Variants in RIMS1 observed in about 807,000 individuals in gnomAD.
RIMS1 encodes regulating synaptic membrane exocytosis protein 1.
In RIMS1, 83 loss-of-function variants were observed where a neutral mutation model predicts 214.1. The ratio of observed to expected loss-of-function variants is 0.39; its 90% confidence interval spans 0.32 to 0.47. The LOEUF (loss-of-function observed/expected upper bound fraction) is 0.47, where lower values mean the gene tolerates loss of function less well. Ranked by LOEUF, RIMS1 falls within the 20% of genes least tolerant of loss-of-function variation. The pLI, the probability that RIMS1 is intolerant of heterozygous loss-of-function variation, is 0.99. For missense variants in RIMS1, 2,050 were observed against 2,161.8 expected (o/e 0.95, Z 1.03); for synonymous variants, 793 against 786.8 (o/e 1.01, Z -0.13).
rs540310290 is a variant in RIMS1, at chr6:72,246,984, T to C, written c.2129-1031T>C. ...TGACATGAGAATTAATTTGTACTTA[T>C]AGAAAAAAATGTGCGGATTGCACAT... On this transcript the variant is annotated intron_variant, in intron 11 of 33. Coordinates refer to ENST00000521978, the MANE Select transcript of RIMS1 (RefSeq NM_014989.7). Among the ~76,000 whole-genome samples the C allele has an allele frequency of 7.9e-5, 12 of 152,248 alleles. No individual in the cohort carries two copies. In the East Asian group the frequency reaches 1.2e-3, roughly 15 times the overall value.
intron 10 of RIMS1, among the ~76,000 whole-genome samples, chr6:72,243,947 C>T (rs1349606740): frequency 6.7e-6 from 1 of 148,532 alleles, no homozygotes; most frequent in African/African-American, 2.5e-5. Context: ...TATTGGAATC[C>T]TAGAAAAATA....
chr6:72,262,515 T>C (rs2078491116), intron 19 of RIMS1: 1 of 985,184 alleles, frequency 1.0e-6, no homozygotes, highest in Non-Finnish European at 1.2e-6. Flanking sequence ...CAGTGTCTTT[T>C]CTCCTTCCTG....
intron 2 of RIMS1, among the ~76,000 whole-genome samples, chr6:71,995,450 A>ATG (rs1803090798): frequency 2.7e-5 from 2 of 74,688 alleles, no homozygotes; most frequent in African/African-American, 1.3e-4. Context: ...CTGTAATATG[A>ATG]CGTGTGTGTG....
intron 29 of RIMS1, among the ~76,000 whole-genome samples, chr6:72,353,947 C>T (rs568008017): frequency 1.0e-3 from 155 of 151,872 alleles, no homozygotes; most frequent in Non-Finnish European, 1.8e-3. Context: ...TGGCCGGGCA[C>T]GGTGGCTCAC....
At chr6:71,984,923 C>T (rs568506891) in intron 2 of RIMS1, among the ~76,000 whole-genome samples, 7 of 152,174 alleles carry the variant, frequency 4.6e-5, no homozygotes, top group Admixed American at 1.3e-4. Flanking sequence ...TATTCCTTAG[C>T]ACTCCTACAC....
intron 6 of RIMS1, among the ~76,000 whole-genome samples, chr6:72,187,292 C>T (rs565532005): frequency 6.6e-5 from 10 of 152,076 alleles, no homozygotes; most frequent in Non-Finnish European, 1.3e-4. Context: ...GCTCACCTTC[C>T]AATGACTTCT....
intron 29 of RIMS1, among the ~76,000 whole-genome samples, chr6:72,360,732 CTG>C (rs1304488086): frequency 6.7e-6 from 1 of 149,310 alleles, no homozygotes; most frequent in Non-Finnish European, 1.5e-5. Context: ...ATATATAAAA[CTG>C]TGGCTACAGT....
intron 14 of RIMS1, 50 bp from the exon 15 acceptor site, chr6:72,251,165 A>C (rs757802990): frequency 6.4e-7 from 1 of 1,561,756 alleles, no homozygotes; most frequent in East Asian, 2.4e-5. Context: ...TTACTATTAC[A>C]TTATGTTTTG....
At chr6:71,904,372 C>T (rs1483343167) in intron 1 of RIMS1, among the ~76,000 whole-genome samples, 1 of 152,146 alleles carries the variant, frequency 6.6e-6, no homozygotes, top group Non-Finnish European at 1.5e-5. Flanking sequence ...AATACAAATA[C>T]AGTAAGGCCT....
At chr6:72,052,886 G>A (rs1349276339) in intron 2 of RIMS1, among the ~76,000 whole-genome samples, 1 of 152,132 alleles carries the variant, frequency 6.6e-6, no homozygotes, top group African/African-American at 2.4e-5. Context: ...AAAGCACAAA[G>A]GTTGTATTCA....
chr6:72,110,922 T>C (rs372534101), intron 4 of RIMS1, among the ~76,000 whole-genome samples: 2 of 152,180 alleles, frequency 1.3e-5, no homozygotes, highest in African/African-American at 4.8e-5. Context: ...AAAGTTGTGA[T>C]CCTAAGATGA....
At chr6:71,931,264 T>C (rs1470076172) in intron 1 of RIMS1, among the ~76,000 whole-genome samples, 5 of 152,040 alleles carry the variant, frequency 3.3e-5, no homozygotes, top group Admixed American at 2.6e-4. Context: ...CTAATTTACA[T>C]ATGCTTATGA....
chr6:72,134,530 T>C (rs1169475831), intron 4 of RIMS1, among the ~76,000 whole-genome samples: 1 of 152,082 alleles, frequency 6.6e-6, no homozygotes, highest in African/African-American at 2.4e-5. Flanking sequence ...AATTAAAACC[T>C]GGCTTCTCTA....
intron 6 of RIMS1, among the ~76,000 whole-genome samples, chr6:72,184,007 T>A (rs1209762038): frequency 2.6e-5 from 4 of 152,234 alleles, no homozygotes; most frequent in Non-Finnish European, 5.9e-5. Flanking sequence ...TAGTGCATAC[T>A]GTATTACTGT....
intron 1 of RIMS1, among the ~76,000 whole-genome samples, chr6:71,953,175 G>A (rs1790170570): frequency 6.6e-6 from 1 of 151,970 alleles, no homozygotes; most frequent in East Asian, 1.9e-4. Context: ...TTTTAGTAGA[G>A]ACTGGTTTTC....
intron 29 of RIMS1, among the ~76,000 whole-genome samples, chr6:72,353,362 A>C (rs563710366): frequency 6.6e-6 from 1 of 152,204 alleles, no homozygotes; most frequent in East Asian, 1.9e-4. Context: ...GTGCACTGAC[A>C]ATGTAATTTG....
intron 16 of RIMS1, among the ~76,000 whole-genome samples, chr6:72,255,210 G>T (rs1414468586): frequency 6.6e-6 from 1 of 152,162 alleles, no homozygotes; most frequent in East Asian, 1.9e-4. Flanking sequence ...ATAAAGTGAG[G>T]TGATAAGTTA....
intron 2 of RIMS1, among the ~76,000 whole-genome samples, chr6:72,044,615 A>T (rs1317075317): frequency 6.6e-6 from 1 of 151,942 alleles, no homozygotes; most frequent in Non-Finnish European, 1.5e-5. Flanking sequence ...GATGTGCAAC[A>T]TCTTTAGTCA....
At chr6:72,079,511 T>C (rs1237794078) in intron 2 of RIMS1, among the ~76,000 whole-genome samples, 1 of 152,196 alleles carries the variant, frequency 6.6e-6, no homozygotes, top group Non-Finnish European at 1.5e-5. Context: ...TCACTCAGGC[T>C]CAGAAAGTTG....
Sources: gnomAD v4.1 joint callset for allele counts (sites outside exome capture counted in the v4.1 genomes callset) on GRCh38, gnomAD v4.1.1 for gene constraint, MANE v1.5 for transcripts, NCBI Gene and HGNC (gene_info 2026-07-23, HGNC 2026-07-21) for gene names.